OTOGL: variants seen among roughly 807,000 people sequenced by gnomAD.
The protein encoded by OTOGL is otogelin-like protein.
Under a neutral mutation model 318.5 loss-of-function variants are expected in OTOGL, and 285 were observed. The observed-to-expected ratio is 0.89, with a 90% confidence interval of 0.81 to 0.99. The LOEUF is 0.99. Ranked by LOEUF, OTOGL falls within the 50% of genes least tolerant of loss-of-function variation. The probability of loss-of-function intolerance (pLI) is 0.00; values close to 1 mark genes in which losing one functional copy is unlikely to be tolerated. For missense variants in OTOGL, 2,899 were observed against 2,845.6 expected, an observed-to-expected ratio of 1.02 and a Z score of -0.43; for synonymous variants, 987 against 936.5, an observed-to-expected ratio of 1.05 and a Z score of -0.99.
At chr12:80,284,273 T>A (rs1295361539) in intron 26 of OTOGL, among the ~76,000 whole-genome samples, 1 of 152,208 alleles carries the variant, frequency 6.6e-6, no homozygotes, top group Non-Finnish European at 1.5e-5. Flanking sequence ...TTGTCCAGTC[T>A]GTCATTGATG....
intron 11 of OTOGL, among the ~76,000 whole-genome samples, chr12:80,240,657 A>C (rs1253894085): frequency 6.6e-6 from 1 of 152,078 alleles, no homozygotes; most frequent in Admixed American, 6.6e-5. Flanking sequence ...GAATATTGTG[A>C]TGTGTTGCCT....
intron 4 of OTOGL, among the ~76,000 whole-genome samples, chr12:80,216,431 T>C (rs1877726037): frequency 6.6e-6 from 1 of 152,200 alleles, no homozygotes; most frequent in Non-Finnish European, 1.5e-5. Flanking sequence ...CCCCAGCCCA[T>C]ACACTCAATT....
At chr12:80,360,772 G>T (rs978692198) in intron 52 of OTOGL, among the ~76,000 whole-genome samples, 1 of 151,890 alleles carries the variant, frequency 6.6e-6, no homozygotes, top group Non-Finnish European at 1.5e-5. Context: ...GAGCCACCGC[G>T]CCTGGCTGGG....
intron 6 of OTOGL, among the ~76,000 whole-genome samples, chr12:80,221,219 CT>C (rs2137353148): frequency 1.3e-5 from 2 of 150,126 alleles, no homozygotes; most frequent in African/African-American, 4.9e-5. Context: ...ATAAATATTG[CT>C]TGAAATTTGG....
At chr12:80,368,374 T>A in intron 55 of OTOGL, 65 bp downstream of exon 55, 1 of 1,182,748 alleles carries the variant, frequency 8.5e-7, no homozygotes, top group Non-Finnish European at 1.2e-6. Context: ...AGTCAAAGTT[T>A]GGAAAATGTC....
chr12:80,154,864 T>C (rs1414110643), intron 1 of OTOGL, among the ~76,000 whole-genome samples: 2 of 152,246 alleles, frequency 1.3e-5, no homozygotes, highest in African/African-American at 2.4e-5. Flanking sequence ...CCAAACTGTC[T>C]TGCAAATGGC....
intron 26 of OTOGL, among the ~76,000 whole-genome samples, chr12:80,295,639 C>G (rs1233914093): frequency 6.6e-6 from 1 of 152,156 alleles, no homozygotes; most frequent in Non-Finnish European, 1.5e-5. Flanking sequence ...TTAATGAAGT[C>G]TCTACTGTCC....
chr12:80,328,890 T>C (rs1887884026), intron 36 of OTOGL, 146 bp downstream of exon 36: 3 of 1,036,828 alleles, frequency 2.9e-6, no homozygotes, highest in South Asian at 1.6e-5. Context: ...TAGCTTTTTT[T>C]CCCTAATTAC....
At chr12:80,108,770 CGT>C (rs1491456115) in intron 1 of OTOGL, among the ~76,000 whole-genome samples, 13 of 83,966 alleles carry the variant, frequency 1.5e-4, no homozygotes, top group African/African-American at 3.0e-4. Context: ...TATATATACA[CGT>C]ATATATATAT....
In OTOGL at chr12:80,380,775, A is replaced by G. The variant is rs1337101366; in HGVS notation, c.*2727A>G. 6.6e-6 allele frequency: 1 copy of G among 152,138 alleles called. No homozygotes were observed. The highest frequency in any genetic ancestry group is 2.4e-5 in the African/African-American group (1 of 41,460). The allele number at this position is 152,138 out of a possible 1,614,324, so 9.4% of individuals were successfully genotyped here. A position where few individuals can be genotyped will look rare whatever the true frequency, so the allele number is the denominator to read the frequency against. The stretch of plus-strand genomic sequence containing the variant: ...AAACTGCCTAGAATATATATGCCGT[A>G]CAAACGCCTGTACAAATACAAAGTG... On this transcript the variant is annotated 3_prime_UTR_variant, in exon 59 of 59. Coordinates refer to ENST00000547103, the MANE Select transcript of OTOGL (RefSeq NM_001378609.3).
At chr12:80,099,881 G>A (rs950542669) in intron 1 of OTOGL, among the ~76,000 whole-genome samples, 13 of 152,120 alleles carry the variant, frequency 8.5e-5, no homozygotes, top group African/African-American at 2.7e-4. Flanking sequence ...AAAATCAATG[G>A]TTTAGTTCCA....
chr12:80,187,447 C>T (rs1875370734), intron 1 of OTOGL, among the ~76,000 whole-genome samples: 1 of 152,094 alleles, frequency 6.6e-6, no homozygotes, highest in Non-Finnish European at 1.5e-5. Context: ...AAGAGTAATA[C>T]ATTTTTAAGA....
At chr12:80,355,618 G>C in intron 46 of OTOGL, 118 bp from the exon 47 acceptor site, 1 of 730,684 alleles carries the variant, frequency 1.4e-6, no homozygotes, top group East Asian at 2.8e-5. Context: ...AAAAACAATA[G>C]ACTTGTGACA....
intron 32 of OTOGL, among the ~76,000 whole-genome samples, chr12:80,316,425 T>C (rs889587885): frequency 5.9e-5 from 9 of 152,206 alleles, no homozygotes; most frequent in Non-Finnish European, 1.5e-5. Context: ...TTTCTATGCA[T>C]ATTGAATCTC....
chr12:80,249,374 C>A (rs1478091450), intron 11 of OTOGL, among the ~76,000 whole-genome samples: 1 of 151,192 alleles, frequency 6.6e-6, no homozygotes. Context: ...TGTTAGTTTC[C>A]CTTCTAACAG....
At chr12:80,348,991 G>C (rs1889373811) in intron 44 of OTOGL, among the ~76,000 whole-genome samples, 1 of 152,126 alleles carries the variant, frequency 6.6e-6, no homozygotes, top group South Asian at 2.1e-4. Flanking sequence ...TACAGTGCCT[G>C]ATATGTAGTT....
At chr12:80,307,840 C>A (rs1450512715) in intron 29 of OTOGL, among the ~76,000 whole-genome samples, 1 of 134,556 alleles carries the variant, frequency 7.4e-6, no homozygotes. Context: ...CCTCACCTCC[C>A]GGACAGGGCG....
intron 1 of OTOGL, among the ~76,000 whole-genome samples, chr12:80,138,895 A>G (rs1871746731): frequency 6.6e-6 from 1 of 152,142 alleles, no homozygotes; most frequent in Non-Finnish European, 1.5e-5. Context: ...TTCTATCCTA[A>G]GCAAAAGTCT....
chr12:80,257,699 G>A, intron 17 of OTOGL, 126 bp from the exon 18 acceptor site: 1 of 980,008 alleles, frequency 1.0e-6, no homozygotes, highest in South Asian at 2.0e-5. Context: ...GCACAGACAG[G>A]AACCACTAGC....
Sources: allele counts gnomAD v4.1 joint callset (sites outside exome capture counted in the v4.1 genomes callset), GRCh38; gene constraint gnomAD v4.1.1; transcripts MANE v1.5; gene names NCBI Gene and HGNC (gene_info 2026-07-23, HGNC 2026-07-21).